The following GRIN2B variants were observed in gnomAD, a reference collection of about 807,000 sequenced individuals.
GRIN2B encodes the protein glutamate ionotropic receptor NMDA type subunit 2B.
In GRIN2B, 5 loss-of-function variants were observed where a neutral mutation model predicts 114.5. The ratio of observed to expected loss-of-function variants is 0.04; its 90% CI spans 0.02 to 0.09. GRIN2B has a LOEUF of 0.09. Ranked by LOEUF, GRIN2B falls within the 10% of genes least tolerant of loss-of-function variation. The probability of loss-of-function intolerance (pLI) is 1.00; values close to 1 mark genes in which losing one functional copy is unlikely to be tolerated. For synonymous variants in GRIN2B, 787 were observed against 745.1 expected (o/e 1.06, Z -0.92); for missense variants, 1,108 against 1,943.5 (o/e 0.57, Z 8.08).
intron 2 of GRIN2B, among the ~76,000 whole-genome samples, chr12:13,870,933 G>A (rs372566315): frequency 1.4e-4 from 21 of 152,052 alleles, no homozygotes; most frequent in East Asian, 3.9e-4. Flanking sequence ...AGTATCTATC[G>A]AAATTTTAAT....
chr12:13,900,143 G>T (rs1281897912), intron 2 of GRIN2B, among the ~76,000 whole-genome samples: 1 of 152,050 alleles, frequency 6.6e-6, no homozygotes, highest in Non-Finnish European at 1.5e-5. Flanking sequence ...AAGCAGCTTA[G>T]AGCTTCCCTT....
intron 12 of GRIN2B, among the ~76,000 whole-genome samples, chr12:13,567,918 C>T (rs1279167924): frequency 3.9e-5 from 6 of 152,066 alleles, no homozygotes; most frequent in East Asian, 1.9e-4. Context: ...TGGGGAATAA[C>T]ATAATCAAAC....
At chr12:13,959,265 G>C (rs1867649642) in intron 2 of GRIN2B, among the ~76,000 whole-genome samples, 1 of 152,182 alleles carries the variant, frequency 6.6e-6, no homozygotes, top group African/African-American at 2.4e-5. Context: ...TGTAGAGACA[G>C]ACAGGGAGGA....
At chr12:13,949,677 C>T (rs935113403) in intron 2 of GRIN2B, among the ~76,000 whole-genome samples, 1 of 152,168 alleles carries the variant, frequency 6.6e-6, no homozygotes, top group Non-Finnish European at 1.5e-5. Flanking sequence ...CATTTACATA[C>T]ATGTTCTAGT....
intron 2 of GRIN2B, among the ~76,000 whole-genome samples, chr12:13,913,365 G>T (rs1276614038): frequency 2.0e-5 from 3 of 152,106 alleles, no homozygotes; most frequent in Non-Finnish European, 4.4e-5. Flanking sequence ...TGACAGAAGA[G>T]AGTTTTTTTG....
In GRIN2B at chr12:13,757,279, A is replaced by C. The variant is rs375013723; in HGVS notation, c.412-3364T>G. Among the ~76,000 whole-genome samples, 306 of 152,338 alleles carry C rather than the reference A, an allele frequency of 2.0e-3. 2 individuals are homozygous for C. The highest frequency in any genetic ancestry group is 6.9e-3 in the African/African-American group (287 of 41,586). On this transcript the variant is annotated intron_variant, in intron 3 of 13. Transcript: ENST00000609686. ...CAGTTATTATTCATTTAGTTGACAC[A>C]TCAATATGGTATACAGTGATCAGGA...
intron 3 of GRIN2B, among the ~76,000 whole-genome samples, chr12:13,769,950 A>G (rs189146094): frequency 6.6e-6 from 1 of 152,212 alleles, no homozygotes; most frequent in Non-Finnish European, 1.5e-5. Context: ...AACTATGCGG[A>G]AAGTTAGCTA....
At chr12:13,859,114 G>A (rs1343908397) in intron 3 of GRIN2B, among the ~76,000 whole-genome samples, 1 of 152,194 alleles carries the variant, frequency 6.6e-6, no homozygotes, top group Non-Finnish European at 1.5e-5. Context: ...TGTTATTTTT[G>A]TTTTCACTTT....
At position 13,544,253 on chromosome 12, in the gene GRIN2B, A is replaced by G. The variant is rs1245898813; in HGVS notation, c.*18530T>C. On this transcript the variant is annotated 3_prime_UTR_variant, in exon 14 of 14. Coordinates refer to ENST00000609686, the MANE Select transcript of GRIN2B (RefSeq NM_000834.5). ...GAAACAGCTCTCTTCCAGGTCATCA[A>G]TGGGATGACCTCCATGTTTCCAGAT... 5 of 152,080 alleles carry G rather than the reference A, an allele frequency of 3.3e-5. No homozygotes were observed. The highest frequency in any genetic ancestry group is 2.1e-4 in the South Asian group (1 of 4,812). The allele number at this position is 152,080 out of a possible 1,614,324, so 9.4% of individuals were successfully genotyped here.
chr12:13,937,236 G>A (rs1190409120), intron 2 of GRIN2B, among the ~76,000 whole-genome samples: 1 of 151,572 alleles, frequency 6.6e-6, no homozygotes, highest in African/African-American at 2.4e-5. Context: ...GCAGAAAAAA[G>A]CATGTGAAGA....
chr12:13,654,137 C>T (rs1354600819), intron 5 of GRIN2B, among the ~76,000 whole-genome samples: 1 of 152,094 alleles, frequency 6.6e-6, no homozygotes, highest in African/African-American at 2.4e-5. Context: ...GAATAGCCCT[C>T]ACTGCTAGAG....
intron 2 of GRIN2B, among the ~76,000 whole-genome samples, chr12:13,929,726 C>A (rs1474644376): frequency 6.6e-6 from 1 of 152,166 alleles, no homozygotes; most frequent in African/African-American, 2.4e-5. Context: ...TTACCATTTA[C>A]AAGCAGTCAT....
chr12:13,825,674 G>T (rs567844984), intron 3 of GRIN2B, among the ~76,000 whole-genome samples: 2 of 151,308 alleles, frequency 1.3e-5, no homozygotes, highest in Admixed American at 1.3e-4. Flanking sequence ...ACACTACCAC[G>T]CCCAGCTAAT....
At chr12:13,850,548 C>G (rs1042161906) in intron 3 of GRIN2B, among the ~76,000 whole-genome samples, 4 of 152,170 alleles carry the variant, frequency 2.6e-5, no homozygotes, top group Non-Finnish European at 4.4e-5. Flanking sequence ...TACATCCTTT[C>G]TTCTCTAATT....
At chr12:13,638,695 C>A (rs1949686438) in intron 5 of GRIN2B, among the ~76,000 whole-genome samples, 1 of 152,042 alleles carries the variant, frequency 6.6e-6, no homozygotes, top group Non-Finnish European at 1.5e-5. Flanking sequence ...AGTATTAGGA[C>A]ACAGATGTCA....
intron 2 of GRIN2B, among the ~76,000 whole-genome samples, chr12:13,929,226 A>ATGGGT (rs1165955231): frequency 1.2e-4 from 18 of 152,256 alleles, no homozygotes; most frequent in Admixed American, 2.0e-4. Flanking sequence ...GGAGACCGGC[A>ATGGGT]TGGGTTGTTA....
At chr12:13,890,094 G>A (rs1471463989) in intron 2 of GRIN2B, among the ~76,000 whole-genome samples, 2 of 152,156 alleles carry the variant, frequency 1.3e-5, no homozygotes, top group African/African-American at 4.8e-5. Flanking sequence ...CTTCCTTTCA[G>A]CCCCTGCTGG....
At chr12:13,952,036 G>A (rs1009372038) in intron 2 of GRIN2B, among the ~76,000 whole-genome samples, 1 of 152,026 alleles carries the variant, frequency 6.6e-6, no homozygotes, top group South Asian at 2.1e-4. Context: ...AGCAGTAAGA[G>A]AGAAAATTAT....
chr12:13,678,348 T>C (rs981493182), intron 4 of GRIN2B, among the ~76,000 whole-genome samples: 3 of 152,148 alleles, frequency 2.0e-5, no homozygotes, highest in Admixed American at 2.0e-4. Flanking sequence ...GGGTCTCTTC[T>C]TAGGCCTTTC....
Sources: allele counts gnomAD v4.1 joint callset (sites outside exome capture counted in the v4.1 genomes callset), GRCh38; gene constraint gnomAD v4.1.1; transcripts MANE v1.5; gene names NCBI Gene and HGNC (gene_info 2026-07-23, HGNC 2026-07-21).